The following NTM variants were observed in gnomAD, a reference collection of about 807,000 sequenced individuals.
NTM encodes neurotrimin, also known as IgLON family member 2.
A neutral mutation model predicts 42.1 loss-of-function variants in NTM; 13 were observed. The observed-to-expected ratio is 0.31, with a 90% CI of 0.20 to 0.49. The LOEUF (loss-of-function observed/expected upper bound fraction) is 0.49, where lower values mean the gene tolerates loss of function less well. Ranked by LOEUF, NTM falls within the 20% of genes least tolerant of loss-of-function variation. The pLI, the probability that NTM is intolerant of heterozygous loss-of-function variation, is 0.99. For missense variants in NTM, 373 were observed against 452.8 expected, an observed-to-expected ratio of 0.82 and a Z score of 1.60; for synonymous variants, 187 against 179.2, an observed-to-expected ratio of 1.04 and a Z score of -0.35.
At chr11:131,943,737 G>A (rs2060052951) in intron 2 of NTM, among the ~76,000 whole-genome samples, 2 of 152,178 alleles carry the variant, frequency 1.3e-5, no homozygotes, top group Non-Finnish European at 2.9e-5. Flanking sequence ...GTAGGTGCCA[G>A]TTCTGTCATT....
intron 1 of NTM, among the ~76,000 whole-genome samples, chr11:131,520,667 T>G (rs893304213): frequency 6.6e-6 from 1 of 152,224 alleles, no homozygotes; most frequent in African/African-American, 2.4e-5. Flanking sequence ...TTGTGTCTTA[T>G]GACAGCTGCC....
chr11:131,555,345 G>A (rs1029297537), intron 1 of NTM, among the ~76,000 whole-genome samples: 1 of 152,178 alleles, frequency 6.6e-6, no homozygotes, highest in Admixed American at 6.5e-5. Context: ...GGATAACAGA[G>A]CAGAATTCCA....
intron 2 of NTM, among the ~76,000 whole-genome samples, chr11:132,136,047 T>A (rs2067852679): frequency 6.6e-6 from 1 of 152,162 alleles, no homozygotes; most frequent in Non-Finnish European, 1.5e-5. Flanking sequence ...GTGTTGTCTT[T>A]CCAGACCCTG....
At chr11:132,228,879 C>T (rs141300931) in intron 4 of NTM, among the ~76,000 whole-genome samples, 1 of 152,128 alleles carries the variant, frequency 6.6e-6, no homozygotes, top group Admixed American at 6.5e-5. Flanking sequence ...TCATGGTTAT[C>T]AGGACCTCTT....
intron 3 of NTM, among the ~76,000 whole-genome samples, chr11:132,185,281 CCAAA>C (rs1485146771): frequency 2.0e-5 from 3 of 152,322 alleles, no homozygotes; most frequent in East Asian, 3.9e-4. Context: ...AAGCGAATAT[CCAAA>C]CAGACATTTA....
intron 4 of NTM, among the ~76,000 whole-genome samples, chr11:132,290,243 C>G (rs1439028632): frequency 6.6e-6 from 1 of 151,724 alleles, no homozygotes; most frequent in Non-Finnish European, 1.5e-5. Flanking sequence ...GTAAGACTGA[C>G]TAAAAGATAG....
At chr11:131,788,455 A>C (rs1462741700) in intron 1 of NTM, among the ~76,000 whole-genome samples, 2 of 152,012 alleles carry the variant, frequency 1.3e-5, no homozygotes, top group Non-Finnish European at 2.9e-5. Flanking sequence ...GTAATTTTAA[A>C]AATTTATTTT....
At chr11:131,502,754 T>C (rs2046994442) in intron 1 of NTM, 1 of 152,134 alleles carries the variant, frequency 6.6e-6, no homozygotes, top group South Asian at 2.1e-4. Flanking sequence ...CCCTTGTTTA[T>C]TGACAGATAG....
intron 1 of NTM, chr11:131,671,366 G>T: frequency 3.2e-6 from 3 of 931,082 alleles, no homozygotes; most frequent in Non-Finnish European, 3.8e-6. Flanking sequence ...ATTTATGGAA[G>T]GCCAGGGACA....
intron 1 of NTM, among the ~76,000 whole-genome samples, chr11:131,702,317 T>C (rs1042593529): frequency 6.6e-6 from 1 of 152,202 alleles, no homozygotes; most frequent in Non-Finnish European, 1.5e-5. Flanking sequence ...AGTCAACATA[T>C]AGTGAGTGCT....
rs1330305798 is a variant in NTM, at chr11:132,146,367, G to T, written c.253G>T (p.Asp85Tyr). 1.2e-6 allele frequency: 2 copies of T among 1,614,172 alleles called. No homozygotes were observed. Among genetic ancestry groups the T allele is most frequent in the Non-Finnish European group, 1.7e-6 (2 of 1,180,036 alleles). ...TGCTGGGAATGACAAGTGGTGCCTGGATCCTCGCGTGGTCCTTCTGAGCAA... is the reference window on the plus strand; with the variant it reads ...TGCTGGGAATGACAAGTGGTGCCTGTATCCTCGCGTGGTCCTTCTGAGCAA... ...LYAGNDKWCLDPRVVLLSNTQ... is the reference protein window; with the variant it reads ...LYAGNDKWCLYPRVVLLSNTQ... The change falls in exon 3 of 9, where the codon GAT (aspartate) becomes TAT (tyrosine). Residue 85 changes from aspartate (D) to tyrosine (Y), a missense_variant. Around this residue, in one of 3 missense-constraint regions of NTM, gnomAD observed 312 missense variants for 353.5 expected, o/e 0.88. Transcript: ENST00000683400. This position sits in a 1 kb window ranked among gnomAD's most constrained non-coding sequence, Gnocchi z 4.5.
intron 1 of NTM, among the ~76,000 whole-genome samples, chr11:131,671,037 C>T (rs2070119403): frequency 1.3e-5 from 2 of 152,138 alleles, no homozygotes; most frequent in Admixed American, 1.3e-4. Context: ...TTTCTCACTC[C>T]ATCCTCCCTT....
At chr11:131,650,475 C>T (rs1019917357) in intron 1 of NTM, among the ~76,000 whole-genome samples, 4 of 152,158 alleles carry the variant, frequency 2.6e-5, no homozygotes, top group South Asian at 2.1e-4. Context: ...TTTGAAAGTT[C>T]GGTCCAGCCT....
At chr11:131,601,981 A>G (rs2060525647) in intron 1 of NTM, among the ~76,000 whole-genome samples, 1 of 152,226 alleles carries the variant, frequency 6.6e-6, no homozygotes, top group South Asian at 2.1e-4. Context: ...CACAGGAAAT[A>G]AGAGTTATAT....
intron 2 of NTM, among the ~76,000 whole-genome samples, chr11:132,034,635 G>C (rs950622733): frequency 6.6e-6 from 1 of 152,188 alleles, no homozygotes; most frequent in Admixed American, 6.5e-5. Flanking sequence ...ACCTAGTTTT[G>C]CCATCAGATG....
intron 1 of NTM, among the ~76,000 whole-genome samples, chr11:131,819,575 C>T (rs1445088327): frequency 3.9e-5 from 6 of 152,214 alleles, no homozygotes; most frequent in African/African-American, 1.4e-4. Flanking sequence ...TCCTGCCAGG[C>T]TGTTGGCACA....
At chr11:131,495,999 T>C (rs1322709790) in intron 1 of NTM, among the ~76,000 whole-genome samples, 1 of 152,210 alleles carries the variant, frequency 6.6e-6, no homozygotes, top group African/African-American at 2.4e-5. Flanking sequence ...TCTGCCGAAC[T>C]TGAGATGTTT....
intron 1 of NTM, among the ~76,000 whole-genome samples, chr11:131,685,884 T>C (rs1308561268): frequency 6.6e-6 from 1 of 152,186 alleles, no homozygotes; most frequent in Admixed American, 6.5e-5. Context: ...AATCAAGTCA[T>C]GGTAACTAGA....
intron 1 of NTM, among the ~76,000 whole-genome samples, chr11:131,880,485 G>A (rs2049289731): frequency 6.6e-6 from 1 of 152,212 alleles, no homozygotes; most frequent in Non-Finnish European, 1.5e-5. Context: ...TAAAGCTGAG[G>A]AAGAGAAAGT....
Sources: allele counts gnomAD v4.1 joint callset (sites outside exome capture counted in the v4.1 genomes callset), GRCh38; gene constraint gnomAD v4.1.1; regional missense constraint gnomAD v4.1.1; non-coding constraint Gnocchi (gnomAD v3.1); transcripts MANE v1.5; gene names NCBI Gene and HGNC (gene_info 2026-07-23, HGNC 2026-07-21).